The following KHDRBS2 variants were observed in gnomAD, a reference collection of about 807,000 sequenced individuals.
The protein encoded by KHDRBS2 is KH domain-containing, RNA-binding, signal transduction-associated protein 2.
Under a neutral mutation model 44.3 loss-of-function variants are expected in KHDRBS2, and 26 were observed. The ratio of observed to expected loss-of-function variants is 0.59; its 90% CI spans 0.43 to 0.81. KHDRBS2 has a LOEUF of 0.81. Among genes scored for constraint, KHDRBS2 ranks in the 40% least tolerant of loss-of-function variants. The probability of loss-of-function intolerance (pLI) is 0.00; values close to 1 mark genes in which losing one functional copy is unlikely to be tolerated. For synonymous variants in KHDRBS2, 194 were observed against 151.1 expected (o/e 1.28, Z -2.08); for missense variants, 476 against 433.1 (o/e 1.10, Z -0.88).
At chr6:62,063,402 C>A (rs1179505333) in intron 2 of KHDRBS2, among the ~76,000 whole-genome samples, 1 of 151,514 alleles carries the variant, frequency 6.6e-6, no homozygotes. Context: ...CAAACCGAAT[C>A]CAGCAGGACA....
rs576808418 is a variant in KHDRBS2, at chr6:62,010,217, G to T, written c.337-32005C>A. On this transcript the variant is annotated intron_variant, in intron 3 of 8. Transcript: ENST00000281156. ...GAGTGAGTCAAAGGAAATCATTTTG[G>T]AGCTTAAAGATTTGACTACCCTGCT... is the stretch of plus-strand genomic sequence containing the variant. Among the ~76,000 whole-genome samples the T allele has an allele frequency of 6.5e-4, 99 of 152,296 alleles. 2 individuals carry two copies. In the South Asian group the frequency reaches 0.02, roughly 30 times the overall value.
downstream of KHDRBS2, among the ~76,000 whole-genome samples, chr6:61,677,520 C>A (rs1766012031): frequency 6.6e-6 from 1 of 151,848 alleles, no homozygotes; most frequent in Non-Finnish European, 1.5e-5. Flanking sequence ...AAAGCTGTCT[C>A]AGGTGAAGGG....
At chr6:61,562,957 C>A in the KHDRBS2 span, among the ~76,000 whole-genome samples, 6,035 of 152,084 alleles carry the variant, frequency 0.04, 290 homozygotes, top group East Asian at 0.22. Flanking sequence ...GGAAAGATTT[C>A]CTTCTGTTTT....
the KHDRBS2 span, among the ~76,000 whole-genome samples, chr6:61,585,295 G>C: frequency 6.6e-6 from 1 of 151,870 alleles, no homozygotes; most frequent in Non-Finnish European, 1.5e-5. Context: ...CCATAAAATA[G>C]AGAAAAATGG....
intron 2 of KHDRBS2, among the ~76,000 whole-genome samples, chr6:62,083,120 T>C (rs1036611588): frequency 1.4e-4 from 21 of 152,066 alleles, no homozygotes; most frequent in Non-Finnish European, 2.6e-4. Flanking sequence ...ACAATGACCC[T>C]GGCCTGCCCT....
the KHDRBS2 span, among the ~76,000 whole-genome samples, chr6:61,589,069 G>T: frequency 1.3e-5 from 2 of 151,964 alleles, no homozygotes; most frequent in Non-Finnish European, 2.9e-5. Context: ...GCCTGTCAGG[G>T]GGTGGGGGTA....
chr6:61,702,615 A>T (rs1768864704), intron 7 of KHDRBS2, among the ~76,000 whole-genome samples: 1 of 151,968 alleles, frequency 6.6e-6, no homozygotes, highest in Non-Finnish European at 1.5e-5. Context: ...TTTGAACATG[A>T]ATAATCTTAG....
At chr6:61,665,680 T>C in the KHDRBS2 span, among the ~76,000 whole-genome samples, 4 of 151,162 alleles carry the variant, frequency 2.6e-5, no homozygotes, top group African/African-American at 9.7e-5. Context: ...AAAATCTGAA[T>C]ATCTTTTGAA....
intron 6 of KHDRBS2, among the ~76,000 whole-genome samples, chr6:61,785,149 T>TAAA (rs869184756): frequency 7.9e-6 from 1 of 125,904 alleles, no homozygotes; most frequent in East Asian, 2.2e-4. Context: ...GACCTTGTCC[T>TAAA]AAAAAAACAA....
intron 7 of KHDRBS2, among the ~76,000 whole-genome samples, chr6:61,715,138 C>T (rs541697079): frequency 2.6e-5 from 4 of 151,972 alleles, no homozygotes; most frequent in South Asian, 4.1e-4. Context: ...ATAACAAGAC[C>T]TGGAGGCTGT....
intron 4 of KHDRBS2, among the ~76,000 whole-genome samples, chr6:61,935,157 G>A (rs895243619): frequency 6.6e-6 from 1 of 152,130 alleles, no homozygotes; most frequent in Non-Finnish European, 1.5e-5. Flanking sequence ...CTTGAGGGTT[G>A]GAATTTCTAT....
intron 1 of KHDRBS2, among the ~76,000 whole-genome samples, chr6:62,194,472 T>TTTC: frequency 2.7e-5 from 4 of 146,060 alleles, no homozygotes; most frequent in South Asian, 2.2e-4. Flanking sequence ...TTTTCTTTTC[T>TTTC]TTTCTTCCTT....
chr6:61,597,832 A>C, the KHDRBS2 span, among the ~76,000 whole-genome samples: 1 of 128,976 alleles, frequency 7.8e-6, no homozygotes, highest in Non-Finnish European at 1.7e-5. Context: ...ACATTTAAGA[A>C]GGGGTTTCAG....
chr6:62,074,672 G>A (rs1271950923), intron 2 of KHDRBS2, among the ~76,000 whole-genome samples: 1 of 151,652 alleles, frequency 6.6e-6, no homozygotes, highest in African/African-American at 2.4e-5. Context: ...TGTTATCATG[G>A]CTAAACATGT....
chr6:61,683,453 G>GTT (rs1340186931), intron 8 of KHDRBS2, among the ~76,000 whole-genome samples: 4 of 151,830 alleles, frequency 2.6e-5, no homozygotes, highest in Non-Finnish European at 5.9e-5. Flanking sequence ...TCAATGCCTA[G>GTT]TTAGGGCTGA....
chr6:61,599,297 T>C, the KHDRBS2 span, among the ~76,000 whole-genome samples: 1 of 152,132 alleles, frequency 6.6e-6, no homozygotes, highest in Admixed American at 6.5e-5. Flanking sequence ...CTGTTTAAGA[T>C]GAGAGCTCTC....
intron 6 of KHDRBS2, among the ~76,000 whole-genome samples, chr6:61,886,076 T>C (rs1345179229): frequency 6.6e-6 from 1 of 152,136 alleles, no homozygotes; most frequent in Non-Finnish European, 1.5e-5. Flanking sequence ...CTCACTATTG[T>C]TAATTCCCTA....
At chr6:62,070,919 AC>A (rs1275670057) in intron 2 of KHDRBS2, among the ~76,000 whole-genome samples, 9 of 152,110 alleles carry the variant, frequency 5.9e-5, no homozygotes, top group African/African-American at 1.9e-4. Context: ...GGCCACACTG[AC>A]TTCCACAATG....
chr6:62,208,182 T>C (rs1828355905), intron 1 of KHDRBS2, among the ~76,000 whole-genome samples: 2 of 152,192 alleles, frequency 1.3e-5, no homozygotes, highest in African/African-American at 2.4e-5. Context: ...ATGTCCTCCA[T>C]GTTCATCCAT....
Sources: gnomAD v4.1 joint callset for allele counts (sites outside exome capture counted in the v4.1 genomes callset) on GRCh38, gnomAD v4.1.1 for gene constraint, MANE v1.5 for transcripts, NCBI Gene and HGNC (gene_info 2026-07-23, HGNC 2026-07-21) for gene names.